Variants in SCGB1D2 observed in about 807,000 individuals in gnomAD.
SCGB1D2 encodes lipophilin-B.
SCGB1D2 carries 10 observed loss-of-function variants against 10.5 expected under a neutral mutation model. The ratio of observed to expected loss-of-function variants is 0.95; its 90% CI spans 0.59 to 1.61. SCGB1D2 has a LOEUF of 1.61. Ranked by LOEUF, SCGB1D2 falls within the 40% of genes most tolerant of loss-of-function variation. The probability of loss-of-function intolerance (pLI) is 0.00; values close to 1 mark genes in which losing one functional copy is unlikely to be tolerated. For synonymous variants in SCGB1D2, 42 were observed against 42.8 expected, an observed-to-expected ratio of 0.98 and a Z score of 0.08; for missense variants, 113 against 103.8, an observed-to-expected ratio of 1.09 and a Z score of -0.38.
intron 2 of SCGB1D2, 89 bp from the exon 3 acceptor site, chr11:62,244,581 C>A: frequency 1.6e-6 from 2 of 1,212,366 alleles, no homozygotes; most frequent in Non-Finnish European, 1.2e-6. Flanking sequence ...CCTTTGGGGG[C>A]AGAATCCCAC....
At chr11:62,243,249 C>CT in intron 1 of SCGB1D2, 40 bp from the exon 2 acceptor site, 1 of 1,570,652 alleles carries the variant, frequency 6.4e-7, no homozygotes, top group East Asian at 2.3e-5. Context: ...GAAAAATCGA[C>CT]TTTCCTAACA....
At chr11:62,242,424 G>T (rs1200746300) in intron 1 of SCGB1D2, 62 bp downstream of exon 1, 13 of 1,557,390 alleles carry the variant, frequency 8.3e-6, no homozygotes, top group Non-Finnish European at 1.2e-5. Context: ...CCAAGCACGA[G>T]GTCACCTATT....
chr11:62,243,414 G>A lies in SCGB1D2; in HGVS notation c.181G>A (p.Gly61Arg). 2 of 1,614,172 alleles carry A rather than the reference G, an allele frequency of 1.2e-6. No individual in the cohort carries two copies. The highest frequency in any genetic ancestry group is 8.5e-7 in the Non-Finnish European group (1 of 1,180,012). ...APPEAVAAKL[G>R]VKRCTDQMSL... ...TCCGGAAGCTGTTGCAGCCAAGTTA[G>A]GAGTGAAGAGATGCACGGATCAGAT... The change falls in exon 2 of 3, where the codon GGA (glycine) becomes AGA (arginine). Residue 61 changes from glycine to arginine, a missense_variant. Physicochemically the swap from Gly to Arg is moderately radical, Grantham distance 125 (BLOSUM62 -2). Transcript: ENST00000244926.
rs151306435 is a variant in SCGB1D2, at chr11:62,244,810, G to C, written c.*111G>C. On this transcript the variant is annotated 3_prime_UTR_variant, in exon 3 of 3. Transcript: ENST00000244926. ...CTTTAATAAATCACTTGCTCTCCAC[G>C]TCTCCACTGGTCTTGTTATAATCCT... The C allele has an allele frequency of 2.8e-4, 257 of 921,366 alleles. 2 individuals are homozygous for C. The highest frequency in any genetic ancestry group is 1.6e-3 in the South Asian group (110 of 67,380). 57.1% of individuals were successfully genotyped at this position (921,366 alleles called of 1,614,324 possible).
chr11:62,243,788 G>A (rs4122117), intron 2 of SCGB1D2, among the ~76,000 whole-genome samples: 6 of 152,022 alleles, frequency 3.9e-5, no homozygotes, highest in Admixed American at 3.9e-4. Flanking sequence ...AAGCATGGCC[G>A]CCTCGCTGCT....
At chr11:62,244,558 G>A (rs1945093054) in intron 2 of SCGB1D2, 112 bp from the exon 3 acceptor site, 1 of 916,158 alleles carries the variant, frequency 1.1e-6, no homozygotes, top group South Asian at 1.5e-5. Context: ...TGTTGCCTCT[G>A]CCCTTCCAAT....
At position 62,243,316 on chromosome 11, in the gene SCGB1D2, T is replaced by C; in HGVS notation, c.83T>C (p.Val28Ala). 3 of 1,613,884 alleles carry C rather than the reference T, an allele frequency of 1.9e-6. No homozygotes were observed. Among genetic ancestry groups the C allele is most frequent in the Non-Finnish European group, 2.5e-6 (3 of 1,179,818 alleles). Reference protein sequence around the residue: ...QANAEFCPALVSELLDFFFIS... With the variant: ...QANAEFCPALASELLDFFFIS... ...AATGCCGAGTTCTGCCCAGCTCTTG[T>C]TTCTGAGCTGTTAGACTTCTTCTTC... The change falls in exon 2 of 3, where the codon GTT becomes GCT. Residue 28 changes from valine to alanine, a missense_variant. Physicochemically the swap from Val to Ala is moderately conservative, Grantham distance 64. Transcript: ENST00000244926.
intron 1 of SCGB1D2, 90 bp from the exon 2 acceptor site, chr11:62,243,199 C>A: frequency 2.9e-6 from 3 of 1,018,642 alleles, no homozygotes. Context: ...AACATATAAC[C>A]CAGGGGATCC....
intron 2 of SCGB1D2, 56 bp from the exon 3 acceptor site, chr11:62,244,614 T>C: frequency 1.3e-6 from 2 of 1,535,060 alleles, no homozygotes; most frequent in Non-Finnish European, 1.8e-6. Context: ...TGTGAGCCTG[T>C]CACCTCCAGC....
Position 62,243,007 on chromosome 11 carries a change from G to A in SCGB1D2, c.56-282G>A, listed in dbSNP as rs1248285744. 7.2e-5 allele frequency among the ~76,000 whole-genome samples: 11 copies of A among 152,278 alleles called. No individual in the cohort carries two copies. In the East Asian group the frequency reaches 1.5e-3, roughly 21 times the overall value. On this transcript the variant is annotated intron_variant, in intron 1 of 2. Transcript: ENST00000244926. ...CTTAGGGGGCTGAGATGGGGATATC[G>A]CTTGAGCCCAGGAGGTAGAGGCTGC...
At chr11:62,244,010 C>T (rs1945087781) in intron 2 of SCGB1D2, among the ~76,000 whole-genome samples, 1 of 152,118 alleles carries the variant, frequency 6.6e-6, no homozygotes, top group Non-Finnish European at 1.5e-5. Context: ...CCCCATACTC[C>T]CCTCCACACC....
chr11:62,242,496 C>T, intron 1 of SCGB1D2, 134 bp downstream of exon 1: 2 of 782,364 alleles, frequency 2.6e-6, no homozygotes, highest in South Asian at 1.7e-5. Context: ...GCTTGTTGAA[C>T]AAGCCCCTCA....
At chr11:62,242,451 T>A in intron 1 of SCGB1D2, 89 bp downstream of exon 1, 1 of 1,408,604 alleles carries the variant, frequency 7.1e-7, no homozygotes, top group Non-Finnish European at 9.9e-7. Context: ...GGGGTTAGGA[T>A]CTGCACAAAA....
Position 62,244,446 on chromosome 11 carries a change from G to A in SCGB1D2, c.244-224G>A, listed in dbSNP as rs112494161. 0.029 allele frequency among the ~76,000 whole-genome samples: 4,368 copies of A among 152,154 alleles called. 199 individuals carry two copies. The highest frequency in any genetic ancestry group is 0.099 in the African/African-American group (4,108 of 41,502). On this transcript the variant is annotated intron_variant, in intron 2 of 2. Coordinates refer to ENST00000244926, the MANE Select transcript of SCGB1D2 (RefSeq NM_006551.4). ...CATGAGGATCCTGGGCCTCATTCCC[G>A]GATCACCCCAGGGCTATTGGCCTGG...
intron 2 of SCGB1D2, 46 bp from the exon 3 acceptor site, chr11:62,244,624 C>G (rs1945093765): frequency 2.5e-6 from 4 of 1,578,194 alleles, no homozygotes; most frequent in Non-Finnish European, 3.5e-6. Flanking sequence ...TCACCTCCAG[C>G]AGCAGCATGA....
chr11:62,243,082 A>G (rs1380774759), intron 1 of SCGB1D2, among the ~76,000 whole-genome samples: 1 of 152,194 alleles, frequency 6.6e-6, no homozygotes, highest in Admixed American at 6.5e-5. Context: ...ACAAAGGGAA[A>G]AAAAAGAGTT....
intron 2 of SCGB1D2, 72 bp downstream of exon 2, chr11:62,243,548 C>A: frequency 1.5e-6 from 2 of 1,343,044 alleles, no homozygotes; most frequent in African/African-American, 1.4e-5. Context: ...CAGCTTGCTG[C>A]TCTGTTGGGG....
chr11:62,243,526 A>G, intron 2 of SCGB1D2, 50 bp downstream of exon 2: 1 of 1,493,726 alleles, frequency 6.7e-7, no homozygotes, highest in Non-Finnish European at 9.2e-7. Flanking sequence ...GCTGCACAGT[A>G]TGAAGTGAGG....
In SCGB1D2 at chr11:62,243,476, G is replaced by A. The variant is rs1945081535; in HGVS notation, c.243G>A (p.Leu81=). The A allele has an allele frequency of 3.1e-6, 5 of 1,610,928 alleles. No individual in the cohort carries two copies. The highest frequency in any genetic ancestry group is 1.3e-5 in the African/African-American group (1 of 74,836). The change falls in exon 2 of 3, where the codon CTG becomes CTA. Residue 81 remains leucine (L), a splice_region_variant and synonymous_variant. Transcript: ENST00000244926. The part of the protein sequence containing the change: ...LQKRSLIAEV[L]VKILKKCSV Reference sequence around the variant, plus strand: ...AACGAAGCCTCATTGCGGAAGTCCTGGTAACTTCTTTCTCCTTTATTTGTT... The same window carrying A: ...AACGAAGCCTCATTGCGGAAGTCCTAGTAACTTCTTTCTCCTTTATTTGTT...
Sources: gnomAD v4.1 joint callset for allele counts (sites outside exome capture counted in the v4.1 genomes callset) on GRCh38, gnomAD v4.1.1 for gene constraint, MANE v1.5 for transcripts, NCBI Gene and HGNC (gene_info 2026-07-23, HGNC 2026-07-21) for gene names.